Variants in TECRL observed in about 807,000 individuals in gnomAD.
TECRL encodes the protein trans-2,3-enoyl-CoA reductase like.
Under a neutral mutation model 52.8 loss-of-function variants are expected in TECRL, and 63 were observed. The ratio of observed to expected loss-of-function variants is 1.19; its 90% confidence interval spans 0.97 to 1.47. TECRL has a LOEUF of 1.47. TECRL is among the 40% of genes most tolerant of loss of function. The probability of loss-of-function intolerance (pLI) is 0.00; values close to 1 mark genes in which losing one functional copy is unlikely to be tolerated. For missense variants in TECRL, 482 were observed against 429.6 expected (o/e 1.12, Z -1.08); for synonymous variants, 164 against 141.9 (o/e 1.16, Z -1.10).
chr4:64,310,006 A>T, intron 5 of TECRL, 75 bp from the exon 6 acceptor site: 1 of 886,200 alleles, frequency 1.1e-6, no homozygotes, highest in Non-Finnish European at 1.7e-6. Flanking sequence ...ATACATTTTA[A>T]TTTTTTTAGT....
chr4:64,364,341 G>C (rs191362975), intron 2 of TECRL, among the ~76,000 whole-genome samples: 168 of 152,064 alleles, frequency 1.1e-3, no homozygotes, highest in Admixed American at 3.4e-3. Context: ...GTCACATCTA[G>C]AGGAACATCT....
chr4:64,382,310 T>C (rs930752896), intron 1 of TECRL, among the ~76,000 whole-genome samples: 2 of 145,654 alleles, frequency 1.4e-5, no homozygotes, highest in African/African-American at 5.0e-5. Context: ...CATTATATTA[T>C]ATATTATATC....
intron 7 of TECRL, among the ~76,000 whole-genome samples, chr4:64,302,717 T>C (rs1724092726): frequency 6.6e-6 from 1 of 151,408 alleles, no homozygotes; most frequent in Non-Finnish European, 1.5e-5. Context: ...CTTAAGCAGA[T>C]GGGTTTAATG....
intron 2 of TECRL, among the ~76,000 whole-genome samples, chr4:64,355,851 A>C (rs931371700): frequency 6.6e-6 from 1 of 151,934 alleles, no homozygotes; most frequent in Non-Finnish European, 1.5e-5. Context: ...AAAAATATAT[A>C]CATGGTATGG....
intron 5 of TECRL, among the ~76,000 whole-genome samples, chr4:64,312,692 G>GA (rs1216983285): frequency 6.6e-6 from 1 of 150,580 alleles, no homozygotes; most frequent in Non-Finnish European, 1.5e-5. Flanking sequence ...CTTGAGCCCT[G>GA]AAGAGTGAGG....
intron 1 of TECRL, among the ~76,000 whole-genome samples, chr4:64,394,969 G>A (rs934517051): frequency 1.4e-4 from 19 of 136,828 alleles, no homozygotes; most frequent in Admixed American, 3.2e-4. Flanking sequence ...CTGGTGTGCA[G>A]TGGCACAATC....
chr4:64,382,474 C>T (rs1016905933), intron 1 of TECRL, among the ~76,000 whole-genome samples: 3 of 150,380 alleles, frequency 2.0e-5, no homozygotes, highest in African/African-American at 4.9e-5. Context: ...ATATAATGAC[C>T]TTCTTTGTCT....
chr4:64,282,201 C>T (rs1262644095), intron 9 of TECRL, among the ~76,000 whole-genome samples: 1 of 151,848 alleles, frequency 6.6e-6, no homozygotes, highest in Non-Finnish European at 1.5e-5. Context: ...TAATTATTTT[C>T]CCCTTTCACT....
At chr4:64,389,273 A>G (rs148182289) in intron 1 of TECRL, among the ~76,000 whole-genome samples, 1 of 151,836 alleles carries the variant, frequency 6.6e-6, no homozygotes, top group Non-Finnish European at 1.5e-5. Flanking sequence ...ATTATTGATG[A>G]AGTTGAGGAA....
At chr4:64,277,611 G>T (rs1722617594), downstream of TECRL, 1 of 151,604 alleles carries the variant, frequency 6.6e-6, no homozygotes, top group Admixed American at 6.6e-5. Context: ...ATATAGACCT[G>T]CTTTACAATA....
intron 1 of TECRL, among the ~76,000 whole-genome samples, chr4:64,404,364 A>C (rs1486624324): frequency 6.6e-6 from 1 of 152,040 alleles, no homozygotes; most frequent in Non-Finnish European, 1.5e-5. Context: ...CATGCTCTTC[A>C]ATCATTGACT....
intron 3 of TECRL, among the ~76,000 whole-genome samples, chr4:64,324,825 T>C (rs1282428578): frequency 6.6e-6 from 1 of 152,186 alleles, no homozygotes; most frequent in Non-Finnish European, 1.5e-5. Context: ...AAAATGTGAA[T>C]GTAGTCCTGT....
At chr4:64,308,910 A>G (rs1724504415) in intron 6 of TECRL, among the ~76,000 whole-genome samples, 1 of 152,240 alleles carries the variant, frequency 6.6e-6, no homozygotes, top group East Asian at 1.9e-4. Context: ...TACTAAAAAT[A>G]AAACATAAAT....
chr4:64,352,037 C>A (rs1443962786), intron 2 of TECRL, among the ~76,000 whole-genome samples: 2 of 152,184 alleles, frequency 1.3e-5, no homozygotes, highest in Non-Finnish European at 2.9e-5. Flanking sequence ...ATTGCCATAT[C>A]ATTTTCCAAT....
intron 2 of TECRL, among the ~76,000 whole-genome samples, chr4:64,371,949 T>G (rs998127474): frequency 6.6e-6 from 1 of 151,836 alleles, no homozygotes; most frequent in South Asian, 2.1e-4. Context: ...ATTACTCTGC[T>G]AGAATAAATA....
chr4:64,299,293 G>A (rs191652494), intron 8 of TECRL: 1 of 151,116 alleles, frequency 6.6e-6, no homozygotes, highest in African/African-American at 2.4e-5. Context: ...CACAAACTTT[G>A]CAAGAAATAT....
intron 2 of TECRL, among the ~76,000 whole-genome samples, chr4:64,362,932 C>T (rs1721297417): frequency 6.6e-6 from 1 of 151,326 alleles, no homozygotes; most frequent in Admixed American, 6.6e-5. Flanking sequence ...AAACTGTAGG[C>T]TATGTTCAAG....
downstream of TECRL, chr4:64,277,161 A>C (rs1233131450): frequency 2.9e-6 from 2 of 692,218 alleles, no homozygotes; most frequent in Admixed American, 2.5e-5. Flanking sequence ...CAAAAAAAGT[A>C]TGATGGAGCA....
In TECRL at chr4:64,355,695, G is replaced by T. The variant is rs553699890; in HGVS notation, c.286+19477C>A. Among the ~76,000 whole-genome samples, 6 of 151,306 alleles carry T rather than the reference G, an allele frequency of 4.0e-5. No homozygotes were observed. In the South Asian group the frequency reaches 1.3e-3, roughly 32 times the overall value. On this transcript the variant is annotated intron_variant, in intron 2 of 11. Coordinates refer to ENST00000381210, the MANE Select transcript of TECRL (RefSeq NM_001010874.5). ...CAGGCACCTGTAGTCCCAGCTACTT[G>T]GGAGGCTGAGAATGGCGTGAAGCTG...
Sources: allele counts gnomAD v4.1 joint callset (sites outside exome capture counted in the v4.1 genomes callset), GRCh38; gene constraint gnomAD v4.1.1; transcripts MANE v1.5; gene names NCBI Gene and HGNC (gene_info 2026-07-23, HGNC 2026-07-21).